The following ERCC8 variants were observed in gnomAD, a reference collection of about 807,000 sequenced individuals.
The protein encoded by ERCC8 is ERCC excision repair 8, CSA ubiquitin ligase complex subunit.
In ERCC8, 52 loss-of-function variants were observed where a neutral mutation model predicts 54.9. The ratio of observed to expected loss-of-function variants is 0.95; its 90% CI spans 0.76 to 1.19. The LOEUF is 1.19. ERCC8 is among the 50% of genes most tolerant of loss of function. The pLI is 0.00. For missense variants in ERCC8, 514 were observed against 466.1 expected, an observed-to-expected ratio of 1.10 and a Z score of -0.95; for synonymous variants, 146 against 157.2, an observed-to-expected ratio of 0.93 and a Z score of 0.53.
At chr5:60,924,008 T>A (rs1489332793) in intron 2 of ERCC8, among the ~76,000 whole-genome samples, 1 of 152,158 alleles carries the variant, frequency 6.6e-6, no homozygotes, top group Non-Finnish European at 1.5e-5. Flanking sequence ...TTTAAAAAAA[T>A]TTTAATGTCT....
intron 3 of ERCC8, chr5:60,919,426 T>C (rs1749537442): frequency 6.6e-6 from 1 of 151,922 alleles, no homozygotes; most frequent in Non-Finnish European, 1.5e-5. Flanking sequence ...GATACAACCG[T>C]GATGCTTTTG....
intron 2 of ERCC8, among the ~76,000 whole-genome samples, chr5:60,927,859 T>C (rs1220433686): frequency 2.6e-5 from 4 of 152,216 alleles, no homozygotes; most frequent in Non-Finnish European, 4.4e-5. Context: ...ATGTTTCTCA[T>C]ATACTAGTAG....
chr5:60,936,231 C>T (rs1189887294), intron 1 of ERCC8, among the ~76,000 whole-genome samples: 3 of 151,960 alleles, frequency 2.0e-5, no homozygotes, highest in Non-Finnish European at 4.4e-5. Flanking sequence ...CTATTTTTTC[C>T]TGGTTTAATC....
Position 60,917,219 on chromosome 5 carries a change from T to C in ERCC8, c.399+1046A>G, listed in dbSNP as rs183189054. ...ACTAGAACTCTGGCATCTACAGTCTTGGCTCAATGTAATTGTAAAAAAAGA... is the reference window on the plus strand; with the variant it reads ...ACTAGAACTCTGGCATCTACAGTCTCGGCTCAATGTAATTGTAAAAAAAGA... On this transcript the variant is annotated intron_variant, in intron 4 of 11. Coordinates refer to ENST00000676185, the MANE Select transcript of ERCC8 (RefSeq NM_000082.4). Among the ~76,000 whole-genome samples, 190 of 152,078 alleles carry C rather than the reference T, an allele frequency of 1.2e-3. 1 individual carries two copies. Among genetic ancestry groups the C allele is most frequent in the African/African-American group, 4.5e-3 (186 of 41,472 alleles).
At chr5:60,878,347 C>A (rs1307050485) in intron 11 of ERCC8, among the ~76,000 whole-genome samples, 1 of 152,054 alleles carries the variant, frequency 6.6e-6, no homozygotes, top group Non-Finnish European at 1.5e-5. Context: ...TTTGTTGTGT[C>A]TCTGCCAGGC....
intron 2 of ERCC8, among the ~76,000 whole-genome samples, chr5:60,922,657 C>T (rs1580029981): frequency 6.6e-6 from 1 of 151,942 alleles, no homozygotes; most frequent in Admixed American, 6.6e-5. Context: ...TTTATAGTAC[C>T]TGGCAAAAAA....
intron 1 of ERCC8, among the ~76,000 whole-genome samples, chr5:60,938,400 C>G (rs1750156396): frequency 7.6e-6 from 1 of 132,050 alleles, no homozygotes; most frequent in African/African-American, 2.9e-5. Flanking sequence ...TGTCGCCAGG[C>G]TGGAGTGCAG....
chr5:60,895,253 T>C (rs926127597), intron 9 of ERCC8, among the ~76,000 whole-genome samples: 1 of 151,050 alleles, frequency 6.6e-6, no homozygotes, highest in African/African-American at 2.4e-5. Context: ...TATATATACA[T>C]AAATAAAAAC....
intron 1 of ERCC8, among the ~76,000 whole-genome samples, chr5:60,938,098 T>C (rs1461263924): frequency 7.2e-6 from 1 of 138,098 alleles, no homozygotes; most frequent in Non-Finnish European, 1.5e-5. Context: ...TTATTTTTTT[T>C]TTTTTTAGGT....
Position 60,874,495 on chromosome 5 carries a change from G to A in ERCC8, c.*120C>T. ...ATATTAACCTCATTTTAAAACATGA[G>A]GAAAAATATTACCCACATTTAGGGC... On this transcript the variant is annotated 3_prime_UTR_variant, in exon 12 of 12. Coordinates refer to ENST00000676185, the MANE Select transcript of ERCC8 (RefSeq NM_000082.4). The A allele has an allele frequency of 1.2e-6, 1 of 817,410 alleles. No individual in the cohort carries two copies. Among genetic ancestry groups the A allele is most frequent in the Non-Finnish European group, 2.0e-6 (1 of 501,264 alleles). 50.6% of individuals were successfully genotyped at this position (817,410 alleles called of 1,614,324 possible).
At chr5:60,877,361 G>A (rs1461085712) in intron 11 of ERCC8, among the ~76,000 whole-genome samples, 2 of 152,134 alleles carry the variant, frequency 1.3e-5, no homozygotes, top group Non-Finnish European at 2.9e-5. Flanking sequence ...TTGGCAATGC[G>A]GGCTCTTTTT....
rs189519827 is a variant in ERCC8 at position 60,901,895 on chromosome 5, T to C, written c.617+547A>G. On this transcript the variant is annotated intron_variant, in intron 7 of 11. Transcript: ENST00000676185. Reference sequence around the variant, plus strand: ...CAGAGTTAAGTGATCCTGCTTTCTTTTCCTATATTACACCTACCAGAGATG... The same window carrying C: ...CAGAGTTAAGTGATCCTGCTTTCTTCTCCTATATTACACCTACCAGAGATG... Among the ~76,000 whole-genome samples the C allele has an allele frequency of 6.5e-4, 99 of 152,182 alleles. 2 individuals are homozygous for C. The highest frequency in any genetic ancestry group is 3.7e-3 in the East Asian group (19 of 5,182).
At chr5:60,932,792 G>A (rs35957723) in intron 1 of ERCC8, among the ~76,000 whole-genome samples, 15,805 of 152,086 alleles carry the variant, frequency 0.1, 1,110 homozygotes, top group South Asian at 0.16. Flanking sequence ...CAACACAATG[G>A]CATAGGAGTA....
intron 1 of ERCC8, among the ~76,000 whole-genome samples, chr5:60,944,187 G>A (rs540666612): frequency 6.6e-6 from 1 of 152,098 alleles, no homozygotes; most frequent in Admixed American, 6.5e-5. Flanking sequence ...CAATTTCCAT[G>A]GCCTGTTGAT....
At chr5:60,874,747 C>T in intron 11 of ERCC8, 64 bp from the exon 12 acceptor site, 2 of 1,353,450 alleles carry the variant, frequency 1.5e-6, no homozygotes, top group African/African-American at 3.0e-5. Flanking sequence ...ATTTTAGGCT[C>T]ACAATAAAGT....
At chr5:60,884,607 G>T (rs1167574922) in intron 11 of ERCC8, among the ~76,000 whole-genome samples, 3 of 150,574 alleles carry the variant, frequency 2.0e-5, no homozygotes, top group Admixed American at 1.3e-4. Context: ...TTGTAGTTGG[G>T]ATAAAAGCAC....
chr5:60,899,518 C>A (rs1364484040), intron 8 of ERCC8, 109 bp downstream of exon 8: 2 of 774,752 alleles, frequency 2.6e-6, no homozygotes, highest in Admixed American at 1.9e-5. Flanking sequence ...TTTGAAAAAT[C>A]ATAAAGTTTG....
intron 1 of ERCC8, among the ~76,000 whole-genome samples, chr5:60,934,246 T>C (rs1448973111): frequency 6.6e-6 from 1 of 152,208 alleles, no homozygotes; most frequent in Non-Finnish European, 1.5e-5. Flanking sequence ...TGCCAACATC[T>C]ACTATATTTT....
chr5:60,925,699 G>A (rs980884751), intron 2 of ERCC8, among the ~76,000 whole-genome samples: 2 of 152,034 alleles, frequency 1.3e-5, no homozygotes, highest in African/African-American at 4.8e-5. Flanking sequence ...GGGTTTGTAG[G>A]GATACTTCAT....
Sources: allele counts gnomAD v4.1 joint callset (sites outside exome capture counted in the v4.1 genomes callset), GRCh38; gene constraint gnomAD v4.1.1; transcripts MANE v1.5; gene names NCBI Gene and HGNC (gene_info 2026-07-23, HGNC 2026-07-21).